The following RAP1GDS1 variants were observed in gnomAD, a reference collection of about 807,000 sequenced individuals.
The protein encoded by RAP1GDS1 is Rap1 GTPase-GDP dissociation stimulator 1.
RAP1GDS1 carries 35 observed loss-of-function variants against 71.1 expected under a neutral mutation model. The observed-to-expected ratio is 0.49, with a 90% confidence interval of 0.38 to 0.65. The LOEUF (loss-of-function observed/expected upper bound fraction) is 0.65. RAP1GDS1 is among the 30% of genes least tolerant of loss of function. The probability of loss-of-function intolerance (pLI) is 0.00; values close to 1 mark genes in which losing one functional copy is unlikely to be tolerated. For missense variants in RAP1GDS1, 663 were observed against 706.1 expected (o/e 0.94, Z 0.69); for synonymous variants, 229 against 243.1 (o/e 0.94, Z 0.54).
intron 3 of RAP1GDS1, among the ~76,000 whole-genome samples, chr4:98,351,553 T>C (rs1004095172): frequency 6.6e-6 from 1 of 152,098 alleles, no homozygotes; most frequent in African/African-American, 2.4e-5. Flanking sequence ...GATGGATAAA[T>C]TAGTTCTTTG....
At chr4:98,373,725 C>A (rs1302433531) in intron 4 of RAP1GDS1, among the ~76,000 whole-genome samples, 1 of 152,128 alleles carries the variant, frequency 6.6e-6, no homozygotes, top group Non-Finnish European at 1.5e-5. Context: ...TATTTTCACA[C>A]CTGTAATAAA....
chr4:98,428,683 A>AT (rs1749964306), intron 12 of RAP1GDS1, among the ~76,000 whole-genome samples: 1 of 152,158 alleles, frequency 6.6e-6, no homozygotes, highest in African/African-American at 2.4e-5. Flanking sequence ...AATCAAATAA[A>AT]AAAATAATAG....
At chr4:98,433,914 T>C in intron 12 of RAP1GDS1, 22 bp from the exon 13 acceptor site, 1 of 1,586,038 alleles carries the variant, frequency 6.3e-7, no homozygotes, top group South Asian at 1.1e-5. Context: ...AGTCTATAAT[T>C]CTCTGATATT....
intron 2 of RAP1GDS1, among the ~76,000 whole-genome samples, chr4:98,314,614 G>C (rs943557784): frequency 6.6e-6 from 1 of 152,130 alleles, no homozygotes; most frequent in African/African-American, 2.4e-5. Context: ...GTAAGAGGAG[G>C]GATGCAGTTC....
At chr4:98,388,882 TGAA>T (rs917667364) in intron 5 of RAP1GDS1, among the ~76,000 whole-genome samples, 2 of 149,408 alleles carry the variant, frequency 1.3e-5, no homozygotes, top group South Asian at 2.1e-4. Context: ...GAAATTTAAA[TGAA>T]GAAAATATTT....
At chr4:98,381,837 A>T (rs1742064971) in intron 5 of RAP1GDS1, among the ~76,000 whole-genome samples, 1 of 150,512 alleles carries the variant, frequency 6.6e-6, no homozygotes, top group African/African-American at 2.4e-5. Context: ...GTATGCTTAT[A>T]AAAAAAAAGT....
At chr4:98,405,092 A>G (rs1745938126) in intron 7 of RAP1GDS1, among the ~76,000 whole-genome samples, 1 of 152,212 alleles carries the variant, frequency 6.6e-6, no homozygotes, top group African/African-American at 2.4e-5. Context: ...AAAGAGGATC[A>G]GATATTAATA....
chr4:98,352,728 C>A, intron 4 of RAP1GDS1, 127 bp downstream of exon 4: 1 of 862,878 alleles, frequency 1.2e-6, no homozygotes, highest in Non-Finnish European at 1.7e-6. Context: ...TGATTCAGCA[C>A]TGCTTATTTA....
intron 2 of RAP1GDS1, among the ~76,000 whole-genome samples, chr4:98,311,230 C>T (rs770908052): frequency 6.6e-6 from 1 of 152,068 alleles, no homozygotes; most frequent in African/African-American, 2.4e-5. Flanking sequence ...AATTTGTTAT[C>T]GGGTCTAATC....
chr4:98,425,103 A>G (rs931744381), intron 12 of RAP1GDS1, among the ~76,000 whole-genome samples: 1 of 152,186 alleles, frequency 6.6e-6, no homozygotes, highest in East Asian at 1.9e-4. Context: ...AAAGAAAGCA[A>G]TTATCAGCCA....
Position 98,352,507 on chromosome 4 carries a change from A to C in RAP1GDS1, c.267A>C (p.Gly89=), listed in dbSNP as rs1333719366. 1 of 1,613,892 alleles carries C rather than the reference A, an allele frequency of 6.2e-7. No individual in the cohort carries two copies. The highest frequency in any genetic ancestry group is 8.5e-7 in the Non-Finnish European group (1 of 1,179,910). Residue 89 remains glycine (G), a synonymous_variant, in exon 4 of 15, where the codon GGA becomes GGC. Transcript: ENST00000408927. The part of the protein sequence containing the change: ...EFMRIPCVDA[G]LISPLVQLLN... Reference sequence around the variant, plus strand: ...TGCGAATTCCATGTGTGGATGCTGGATTGATTTCACCACTGGTGCAGCTGC... The same window carrying C: ...TGCGAATTCCATGTGTGGATGCTGGCTTGATTTCACCACTGGTGCAGCTGC...
Position 98,325,515 on chromosome 4 carries a change from A to G in RAP1GDS1, c.113-17624A>G, listed in dbSNP as rs1732879596. 2.0e-5 allele frequency among the ~76,000 whole-genome samples: 3 copies of G among 151,874 alleles called. No individual in the cohort carries two copies. The South Asian group carries it at 6.3e-4, about 32-fold the overall frequency. On this transcript the variant is annotated intron_variant, in intron 2 of 14. Coordinates refer to ENST00000408927, the MANE Select transcript of RAP1GDS1 (RefSeq NM_001100427.2). The stretch of plus-strand genomic sequence containing the variant: ...TTATTCACAATAGCAAAGACTTGGA[A>G]CCAACCCAAATGTCCAACAGTGATA...
intron 2 of RAP1GDS1, among the ~76,000 whole-genome samples, chr4:98,300,347 C>G (rs552114139): frequency 4.2e-4 from 64 of 151,694 alleles, no homozygotes; most frequent in Non-Finnish European, 8.8e-4. Flanking sequence ...TACATTGTTT[C>G]TTTAGACATA....
chr4:98,284,613 G>A (rs954349685), intron 1 of RAP1GDS1, among the ~76,000 whole-genome samples: 2 of 151,900 alleles, frequency 1.3e-5, no homozygotes, highest in Admixed American at 6.6e-5. Flanking sequence ...TAAGAGTTGG[G>A]GTCTAATTCT....
chr4:98,269,311 C>T (rs548923862), intron 1 of RAP1GDS1, among the ~76,000 whole-genome samples: 6 of 151,588 alleles, frequency 4.0e-5, no homozygotes, highest in African/African-American at 1.5e-4. Flanking sequence ...ATACAAAAAT[C>T]AGCTCAAAAT....
At chr4:98,423,173 C>T (rs1749126301) in intron 12 of RAP1GDS1, among the ~76,000 whole-genome samples, 1 of 152,128 alleles carries the variant, frequency 6.6e-6, no homozygotes, top group South Asian at 2.1e-4. Context: ...AACACACTGT[C>T]TGGGTAATCT....
At chr4:98,334,523 G>T (rs149591091) in intron 2 of RAP1GDS1, among the ~76,000 whole-genome samples, 301 of 152,264 alleles carry the variant, frequency 2.0e-3, no homozygotes, top group African/African-American at 7.1e-3. Flanking sequence ...ATCGTTTAGT[G>T]TGTTTTTGGT....
intron 1 of RAP1GDS1, among the ~76,000 whole-genome samples, chr4:98,270,462 C>G (rs1163963150): frequency 6.6e-6 from 1 of 152,232 alleles, no homozygotes; most frequent in Non-Finnish European, 1.5e-5. Flanking sequence ...CCAACTTTAG[C>G]TTTGTCTGAA....
chr4:98,377,536 G>A (rs1741336873), intron 4 of RAP1GDS1, among the ~76,000 whole-genome samples: 1 of 151,726 alleles, frequency 6.6e-6, no homozygotes, highest in South Asian at 2.1e-4. Context: ...GTAAAACTAA[G>A]TGGATAAAAC....
Sources: gnomAD v4.1 joint callset for allele counts (sites outside exome capture counted in the v4.1 genomes callset) on GRCh38, gnomAD v4.1.1 for gene constraint, MANE v1.5 for transcripts, NCBI Gene and HGNC (gene_info 2026-07-23, HGNC 2026-07-21) for gene names.